The following KLF12 variants were observed in gnomAD, a reference collection of about 807,000 sequenced individuals.
The protein encoded by KLF12 is Krueppel-like factor 12.
A neutral mutation model predicts 37.8 loss-of-function variants in KLF12; 9 were observed. That is an observed-to-expected ratio of 0.24 (90% CI 0.14 to 0.42). The LOEUF (loss-of-function observed/expected upper bound fraction) is 0.42. KLF12 is among the 10% of genes least tolerant of loss of function. KLF12 has a pLI of 1.00. For missense variants in KLF12, 411 were observed against 516.0 expected (o/e 0.80, Z 1.97); for synonymous variants, 208 against 202.1 (o/e 1.03, Z -0.25).
the KLF12 span, among the ~76,000 whole-genome samples, chr13:74,193,791 C>T: frequency 2.0e-5 from 3 of 152,188 alleles, no homozygotes; most frequent in South Asian, 2.1e-4. Flanking sequence ...CATACCTTCA[C>T]GATGTCTGAT....
At chr13:73,899,087 T>C (rs1887920979) in intron 3 of KLF12, among the ~76,000 whole-genome samples, 1 of 152,230 alleles carries the variant, frequency 6.6e-6, no homozygotes, top group South Asian at 2.1e-4. Context: ...AGGGAATGGA[T>C]GCTGCCCAGG....
the KLF12 span, among the ~76,000 whole-genome samples, chr13:74,306,026 C>T: frequency 6.6e-6 from 1 of 152,118 alleles, no homozygotes; most frequent in East Asian, 1.9e-4. Context: ...CCGGTGACCA[C>T]ATAGTCGGTG....
intron 6 of KLF12, among the ~76,000 whole-genome samples, chr13:73,721,799 C>T (rs1424624110): frequency 1.1e-5 from 1 of 95,050 alleles, no homozygotes; most frequent in East Asian, 3.7e-4. Flanking sequence ...GTGATCCTCC[C>T]ACTTCGGCGT....
intron 6 of KLF12, among the ~76,000 whole-genome samples, chr13:73,733,077 A>T (rs760922621): frequency 1.3e-5 from 2 of 152,074 alleles, no homozygotes; most frequent in Non-Finnish European, 2.9e-5. Context: ...CTGCTATAGG[A>T]TCTAACTGGA....
rs754411524 is a variant in KLF12 at position 73,728,157 on chromosome 13, C to T, written c.870-12632G>A. On this transcript the variant is annotated intron_variant, in intron 6 of 7. Coordinates refer to ENST00000377669, the MANE Select transcript of KLF12 (RefSeq NM_007249.5). ...TTTAACCATGTTTTGTAGTTTTCAA[C>T]GTTCAAGCCTTACATATCTTTTGTT... is the stretch of plus-strand genomic sequence containing the variant. 7.2e-5 allele frequency among the ~76,000 whole-genome samples: 11 copies of T among 152,190 alleles called. No individual in the cohort carries two copies. The South Asian group carries it at 8.3e-4, about 11-fold the overall frequency.
At chr13:73,717,210 C>T (rs919129255) in intron 6 of KLF12, among the ~76,000 whole-genome samples, 6 of 152,174 alleles carry the variant, frequency 3.9e-5, no homozygotes, top group Non-Finnish European at 8.8e-5. Context: ...GTGGCTCAAG[C>T]CTGTAATCCC....
chr13:73,858,940 T>C (rs1885756139), intron 3 of KLF12, among the ~76,000 whole-genome samples: 3 of 152,238 alleles, frequency 2.0e-5, no homozygotes, highest in Admixed American at 6.5e-5. Context: ...CAATTTTAAC[T>C]GATGATTTTA....
Position 73,966,279 on chromosome 13 carries a change from T to C in KLF12, c.34-22209A>G, listed in dbSNP as rs9565064. Among the ~76,000 whole-genome samples the C allele has an allele frequency of 3.5e-3, 527 of 152,308 alleles. 24 individuals are homozygous for C. The East Asian group carries it at 0.087, about 25-fold the overall frequency. On this transcript the variant is annotated intron_variant, in intron 2 of 7. Coordinates refer to ENST00000377669, the MANE Select transcript of KLF12 (RefSeq NM_007249.5). ...AAATTATATGAAGCTACCTCATTAT[T>C]CCAAGAGCAGTTAAAATTATGGTAG...
At chr13:73,847,028 G>T (rs888220794) in intron 3 of KLF12, among the ~76,000 whole-genome samples, 1 of 152,104 alleles carries the variant, frequency 6.6e-6, no homozygotes, top group Non-Finnish European at 1.5e-5. Flanking sequence ...TGATAATGTT[G>T]TTCAAGTTCA....
At chr13:73,722,092 T>G (rs1225651457) in intron 6 of KLF12, among the ~76,000 whole-genome samples, 1 of 152,166 alleles carries the variant, frequency 6.6e-6, no homozygotes, top group Non-Finnish European at 1.5e-5. Context: ...TTTGTACTGT[T>G]TCTAAGGTTT....
chr13:73,778,613 T>A (rs985983921), intron 5 of KLF12, among the ~76,000 whole-genome samples: 3 of 152,108 alleles, frequency 2.0e-5, no homozygotes, highest in Non-Finnish European at 4.4e-5. Context: ...GGTCTGCCTG[T>A]CTCGGCCTCC....
chr13:74,255,041 G>A, the KLF12 span, among the ~76,000 whole-genome samples: 3 of 152,196 alleles, frequency 2.0e-5, no homozygotes, highest in Non-Finnish European at 2.9e-5. Flanking sequence ...GCCTGCAAAG[G>A]TTGGCTGCCT....
chr13:74,044,349 TA>T (rs1893483452), intron 1 of KLF12, among the ~76,000 whole-genome samples: 1 of 152,140 alleles, frequency 6.6e-6, no homozygotes, highest in Admixed American at 6.5e-5. Flanking sequence ...TGGTTTCTAA[TA>T]CCATTTGTCA....
At chr13:74,273,873 G>T in the KLF12 span, among the ~76,000 whole-genome samples, 1 of 152,012 alleles carries the variant, frequency 6.6e-6, no homozygotes, top group Non-Finnish European at 1.5e-5. Flanking sequence ...TTTCATTTGG[G>T]TAATAAAGAA....
chr13:74,186,237 T>A, the KLF12 span, among the ~76,000 whole-genome samples: 1 of 152,194 alleles, frequency 6.6e-6, no homozygotes, highest in African/African-American at 2.4e-5. Flanking sequence ...TACTTTGATA[T>A]TAGCAACAGC....
chr13:74,127,789 A>G (rs1472643868), intron 1 of KLF12, among the ~76,000 whole-genome samples: 1 of 152,210 alleles, frequency 6.6e-6, no homozygotes, highest in African/African-American at 2.4e-5. Flanking sequence ...GTTAGTTAAG[A>G]ATAACATATA....
the KLF12 span, among the ~76,000 whole-genome samples, chr13:74,247,874 T>C: frequency 0.038 from 5,742 of 152,258 alleles, 238 homozygotes; most frequent in African/African-American, 0.1. Context: ...TTGAATATTA[T>C]GGTGGGAAGG....
At chr13:74,106,380 T>C (rs1876649714) in intron 1 of KLF12, among the ~76,000 whole-genome samples, 1 of 152,184 alleles carries the variant, frequency 6.6e-6, no homozygotes, top group African/African-American at 2.4e-5. Context: ...GAAATTGTGA[T>C]TAATATACTT....
At position 73,863,925 on chromosome 13, in the gene KLF12, G is replaced by T. The variant is rs1369058177; in HGVS notation, c.124-17552C>A. 2.6e-5 allele frequency among the ~76,000 whole-genome samples: 4 copies of T among 152,162 alleles called. 1 individual carries two copies. Among genetic ancestry groups the T allele is most frequent in the African/African-American group, 4.8e-5 (2 of 41,448 alleles). On this transcript the variant is annotated intron_variant, in intron 3 of 7. Coordinates refer to ENST00000377669, the MANE Select transcript of KLF12 (RefSeq NM_007249.5). Reference sequence around the variant, plus strand: ...TTATAAAGACTATAAATACTTGTATGTCAGTTTAGTACAGTTTTTAATTCT... The same window carrying T: ...TTATAAAGACTATAAATACTTGTATTTCAGTTTAGTACAGTTTTTAATTCT...
Sources: allele counts gnomAD v4.1 joint callset (sites outside exome capture counted in the v4.1 genomes callset), GRCh38; gene constraint gnomAD v4.1.1; transcripts MANE v1.5; gene names NCBI Gene and HGNC (gene_info 2026-07-23, HGNC 2026-07-21).